Variants in RBMS3 observed in about 807,000 individuals in gnomAD.
RBMS3 encodes RNA binding motif single stranded interacting protein 3.
Under a neutral mutation model 66.8 loss-of-function variants are expected in RBMS3, and 27 were observed. The ratio of observed to expected loss-of-function variants is 0.40; its 90% CI spans 0.30 to 0.56. The LOEUF is 0.56. Among genes scored for constraint, RBMS3 ranks in the 20% least tolerant of loss-of-function variants. The probability of loss-of-function intolerance (pLI) is 0.40; values close to 1 mark genes in which losing one functional copy is unlikely to be tolerated. For synonymous variants in RBMS3, 188 were observed against 183.0 expected, an observed-to-expected ratio of 1.03 and a Z score of -0.22; for missense variants, 513 against 549.5, an observed-to-expected ratio of 0.93 and a Z score of 0.66.
Position 29,685,474 on chromosome 3 carries a change from C to T in RBMS3, c.400-54246C>T, listed in dbSNP as rs192534402. Among the ~76,000 whole-genome samples the T allele has an allele frequency of 2.8e-3, 428 of 152,166 alleles. 4 individuals are homozygous for T. The highest frequency in any genetic ancestry group is 9.9e-3 in the African/African-American group (410 of 41,514). On this transcript the variant is annotated intron_variant, in intron 4 of 14. Transcript: ENST00000383767. ...AGTTGCTATTTAAGCTCTATTCTAC[C>T]TTTTTTTGTCCCATGGGAGTCCATT... is the stretch of plus-strand genomic sequence containing the variant.
At chr3:29,930,240 TA>T (rs2061082602) in intron 10 of RBMS3, among the ~76,000 whole-genome samples, 1 of 149,836 alleles carries the variant, frequency 6.7e-6, no homozygotes, top group Admixed American at 6.7e-5. Context: ...GCCTCCGAAG[TA>T]GCTGGGACTA....
rs1343721554 is a variant in RBMS3, at chr3:29,814,536, A to G, written c.637+51547A>G. ...GGATTCCCTCTTTTTCTATTGATTGAAATAGTTTCAGAAGGAATGGTACCA... is the reference window on the plus strand; with the variant it reads ...GGATTCCCTCTTTTTCTATTGATTGGAATAGTTTCAGAAGGAATGGTACCA... On this transcript the variant is annotated intron_variant, in intron 6 of 14. Coordinates refer to ENST00000383767, the MANE Select transcript of RBMS3 (RefSeq NM_001003793.3). Among the ~76,000 whole-genome samples the G allele has an allele frequency of 1.1e-3, 160 of 151,940 alleles. 1 individual carries two copies. The highest frequency in any genetic ancestry group is 6.2e-3 in the South Asian group (30 of 4,802).
At chr3:29,333,520 C>T (rs772683626) in intron 1 of RBMS3, among the ~76,000 whole-genome samples, 2 of 152,136 alleles carry the variant, frequency 1.3e-5, no homozygotes, top group Non-Finnish European at 1.5e-5. Flanking sequence ...TAAAACAGAA[C>T]AAAACTGCTT....
rs181171706 is a variant in RBMS3, at chr3:29,731,148, A to T, written c.400-8572A>T. 8.3e-6 allele frequency: 4 copies of T among 480,200 alleles called. No homozygotes were observed. In the Admixed American group the frequency reaches 2.6e-4, roughly 31 times the overall value. 29.7% of individuals were successfully genotyped at this position (480,200 alleles called of 1,614,324 possible). ...GAATAGCCTAAATGATCAGTGGTTC[A>T]ACACTGGGCATTGTTTCACAATCAG... On this transcript the variant is annotated intron_variant, in intron 4 of 14. Coordinates refer to ENST00000383767, the MANE Select transcript of RBMS3 (RefSeq NM_001003793.3).
chr3:29,740,066 T>G, intron 5 of RBMS3, 189 bp downstream of exon 5: 1 of 460,252 alleles, frequency 2.2e-6, no homozygotes, highest in Non-Finnish European at 3.7e-6. Context: ...TAATTATAAA[T>G]AAACTGTGCT....
In RBMS3 at chr3:29,452,586, C is replaced by T. The variant is rs532258279; in HGVS notation, c.248+17671C>T. On this transcript the variant is annotated intron_variant, in intron 2 of 14. Coordinates refer to ENST00000383767, the MANE Select transcript of RBMS3 (RefSeq NM_001003793.3). ...TTCAAGTGTTGTTTGGTATATTTTG[C>T]GAAAAGAATTGAAACCAGTCCAGGA... Among the ~76,000 whole-genome samples, 168 of 152,070 alleles carry T rather than the reference C, an allele frequency of 1.1e-3. 1 individual carries two copies. The South Asian group carries it at 0.016, about 14-fold the overall frequency.
chr3:29,571,927 A>AT (rs200634360), intron 3 of RBMS3, among the ~76,000 whole-genome samples: 3 of 151,736 alleles, frequency 2.0e-5, no homozygotes, highest in Non-Finnish European at 4.4e-5. Context: ...AATATTTTTA[A>AT]TTTTTTTTGT....
At chr3:29,495,921 G>A (rs2043730627) in intron 3 of RBMS3, among the ~76,000 whole-genome samples, 1 of 152,094 alleles carries the variant, frequency 6.6e-6, no homozygotes, top group Non-Finnish European at 1.5e-5. Flanking sequence ...GACATTTCCA[G>A]GGCTGGTCCA....
chr3:29,699,327 TTAAAG>T (rs1378530558), intron 4 of RBMS3, among the ~76,000 whole-genome samples: 2 of 152,042 alleles, frequency 1.3e-5, no homozygotes, highest in African/African-American at 2.4e-5. Context: ...TTTTTGTATT[TTAAAG>T]TAGAGTCAGG....
intron 2 of RBMS3, among the ~76,000 whole-genome samples, chr3:29,472,527 TGTGA>T (rs1203986503): frequency 2.0e-5 from 3 of 152,192 alleles, no homozygotes; most frequent in Non-Finnish European, 4.4e-5. Flanking sequence ...GGACCCTCGC[TGTGA>T]GTGTTACAAC....
At chr3:29,575,383 C>T (rs896526949) in intron 3 of RBMS3, among the ~76,000 whole-genome samples, 6 of 151,712 alleles carry the variant, frequency 4.0e-5, no homozygotes, top group African/African-American at 1.5e-4. Context: ...TATTACAGCT[C>T]CATTGTATGT....
chr3:29,415,732 G>T (rs1313221608), intron 1 of RBMS3, among the ~76,000 whole-genome samples: 1 of 152,090 alleles, frequency 6.6e-6, no homozygotes, highest in Non-Finnish European at 1.5e-5. Context: ...ATGCAGCATA[G>T]GCAGGACTTG....
At chr3:29,934,609 G>A (rs2061217587) in intron 10 of RBMS3, among the ~76,000 whole-genome samples, 1 of 152,072 alleles carries the variant, frequency 6.6e-6, no homozygotes, top group African/African-American at 2.4e-5. Context: ...ATGCACAGAA[G>A]CATCGAGAAA....
chr3:29,613,920 A>AT (rs760486376), intron 4 of RBMS3, among the ~76,000 whole-genome samples: 28 of 152,162 alleles, frequency 1.8e-4, no homozygotes, highest in Non-Finnish European at 3.4e-4. Context: ...CATTATAAAG[A>AT]TTTTTTGAAA....
intron 6 of RBMS3, among the ~76,000 whole-genome samples, chr3:29,865,415 A>G (rs918234386): frequency 1.3e-5 from 2 of 152,206 alleles, no homozygotes; most frequent in African/African-American, 4.8e-5. Context: ...TATAAAAGGT[A>G]AAACTTAAAT....
At chr3:29,887,050 T>G (rs1380748438) in intron 8 of RBMS3, among the ~76,000 whole-genome samples, 1 of 151,840 alleles carries the variant, frequency 6.6e-6, no homozygotes, top group East Asian at 1.9e-4. Flanking sequence ...AGTATTTTAT[T>G]ACTTATATAC....
intron 4 of RBMS3, among the ~76,000 whole-genome samples, chr3:29,729,422 A>G (rs1270128329): frequency 6.6e-6 from 1 of 152,048 alleles, no homozygotes; most frequent in South Asian, 2.1e-4. Flanking sequence ...AGTCTTTGCT[A>G]TTGTGAATAG....
rs574492004 is a variant in RBMS3, at chr3:29,780,923, C to A, written c.637+17934C>A. Among the ~76,000 whole-genome samples, 3 of 152,044 alleles carry A rather than the reference C, an allele frequency of 2.0e-5. No homozygotes were observed. The East Asian group carries it at 5.8e-4, about 29-fold the overall frequency. ...TTTTTCCAAAATATAAAGATATATT[C>A]TTAAGATACTATGTTAAAATATAGA... On this transcript the variant is annotated intron_variant, in intron 6 of 14. Coordinates refer to ENST00000383767, the MANE Select transcript of RBMS3 (RefSeq NM_001003793.3).
Position 29,936,082 on chromosome 3 carries a change from G to C in RBMS3, c.940-4G>C, listed in dbSNP as rs2061257883. 3 of 1,610,788 alleles carry C rather than the reference G, an allele frequency of 1.9e-6. No homozygotes were observed. In the East Asian group the frequency reaches 6.7e-5, roughly 36 times the overall value. On this transcript the variant is annotated splice_region_variant and splice_polypyrimidine_tract_variant and intron_variant, in intron 10 of 14. Coordinates refer to ENST00000383767, the MANE Select transcript of RBMS3 (RefSeq NM_001003793.3). ...TTTCAAATGGACATTGTATATGCTTGTAGGGTGCTGTGATTACACCAACCA... is the reference window on the plus strand; with the variant it reads ...TTTCAAATGGACATTGTATATGCTTCTAGGGTGCTGTGATTACACCAACCA...
Sources: gnomAD v4.1 joint callset for allele counts (sites outside exome capture counted in the v4.1 genomes callset) on GRCh38, gnomAD v4.1.1 for gene constraint, MANE v1.5 for transcripts, NCBI Gene and HGNC (gene_info 2026-07-23, HGNC 2026-07-21) for gene names.